The following DRD2 variants were observed in gnomAD, a reference collection of about 807,000 sequenced individuals.
The protein encoded by DRD2 is D(2) dopamine receptor.
A neutral mutation model predicts 38.0 loss-of-function variants in DRD2; 8 were observed. The observed-to-expected ratio is 0.21, with a 90% CI of 0.12 to 0.38. The LOEUF (loss-of-function observed/expected upper bound fraction) is 0.38. Ranked by LOEUF, DRD2 falls within the 10% of genes least tolerant of loss-of-function variation. DRD2 has a pLI of 1.00. For missense variants in DRD2, 403 were observed against 607.7 expected, an observed-to-expected ratio of 0.66 and a Z score of 3.54; for synonymous variants, 230 against 238.6, an observed-to-expected ratio of 0.96 and a Z score of 0.33.
chr11:113,449,130 A>G (rs1342351178), intron 1 of DRD2, among the ~76,000 whole-genome samples: 1 of 151,988 alleles, frequency 6.6e-6, no homozygotes, highest in African/African-American at 2.4e-5. Context: ...CTAGTCTGTG[A>G]CTTTTGTACC....
At chr11:113,464,438 C>T (rs1006602864) in intron 1 of DRD2, among the ~76,000 whole-genome samples, 29 of 152,322 alleles carry the variant, frequency 1.9e-4, no homozygotes, top group African/African-American at 7.0e-4. Context: ...TCACTGCCAT[C>T]CATACATTCC....
At chr11:113,464,849 C>G (rs991030106) in intron 1 of DRD2, among the ~76,000 whole-genome samples, 2 of 152,152 alleles carry the variant, frequency 1.3e-5, no homozygotes, top group Admixed American at 1.3e-4. Context: ...ACACTTTTAC[C>G]GATATCCTTA....
chr11:113,414,433 T>G lies in DRD2; in HGVS notation c.752A>C (p.Lys251Thr), dbSNP rs1445060538. 8.7e-6 allele frequency: 14 copies of G among 1,614,134 alleles called. No individual in the cohort carries two copies. The highest frequency in any genetic ancestry group is 1.1e-5 in the Non-Finnish European group (13 of 1,180,024). The change falls in exon 6 of 8, where the codon AAA (lysine) becomes ACA (threonine). Residue 251 changes from lysine (K) to threonine (T), a missense_variant. Transcript: ENST00000362072. ...KGNCTHPEDM[K>T]LCTVIMKSNG... The stretch of plus-strand genomic sequence containing the variant: ...AGACTTCATGATAACGGTGCAGAGT[T>G]TCATGTCCTCGGGGTGAGTACAGTT...
At chr11:113,474,180 C>T (rs1339785334) in intron 1 of DRD2, 1 of 152,354 alleles carries the variant, frequency 6.6e-6, no homozygotes, top group African/African-American at 2.4e-5. Context: ...ACTGCTGTGA[C>T]TTGTGTCCAT....
At chr11:113,445,612 G>C (rs755815559) in intron 1 of DRD2, among the ~76,000 whole-genome samples, 8 of 152,224 alleles carry the variant, frequency 5.3e-5, no homozygotes, top group Non-Finnish European at 1.0e-4. Context: ...CAAATATCAA[G>C]TATCTGTCCC....
rs6273 is a variant in DRD2, at chr11:113,409,801, C to T, written c.*926G>A. ...CAGAGGCAGTGGAAGGGAAGGGAAA[C>T]AGGAGAGAGGAAAGGCCAGAAGGAA... On this transcript the variant is annotated 3_prime_UTR_variant, in exon 8 of 8. Transcript: ENST00000362072. 4 of 153,170 alleles carry T rather than the reference C, an allele frequency of 2.6e-5. No homozygotes were observed. Among genetic ancestry groups the T allele is most frequent in the Non-Finnish European group, 5.8e-5 (4 of 68,518 alleles). The allele number at this position is 153,170 out of a possible 1,614,324, so 9.5% of individuals were successfully genotyped here.
chr11:113,445,707 C>T (rs191575647), intron 1 of DRD2, among the ~76,000 whole-genome samples: 1 of 152,336 alleles, frequency 6.6e-6, no homozygotes, highest in Non-Finnish European at 1.5e-5. Context: ...TCAATTGATC[C>T]ATTTTTCGTA....
In DRD2 at chr11:113,414,587, G is replaced by A. The variant is rs76614626; in HGVS notation, c.724-126C>T. 0.011 allele frequency: 10,007 copies of A among 936,770 alleles called. 676 individuals are homozygous for A. The African/African-American group carries it at 0.14, about 13-fold the overall frequency. The allele number at this position is 936,770 out of a possible 1,614,324, so 58.0% of individuals were successfully genotyped here. A position where few individuals can be genotyped will look rare whatever the true frequency, so the allele number is the denominator to read the frequency against. ...GGGCTCAGAGATCAGGAGGGTGGGGGCCAGAGGAGGCAGTTGGGGCAAGGG... is the reference window on the plus strand; with the variant it reads ...GGGCTCAGAGATCAGGAGGGTGGGGACCAGAGGAGGCAGTTGGGGCAAGGG... On this transcript the variant is annotated intron_variant, in intron 5 of 7. Coordinates refer to ENST00000362072, the MANE Select transcript of DRD2 (RefSeq NM_000795.4).
At chr11:113,443,769 G>T (rs1951114679) in intron 1 of DRD2, among the ~76,000 whole-genome samples, 1 of 152,026 alleles carries the variant, frequency 6.6e-6, no homozygotes, top group Non-Finnish European at 1.5e-5. Context: ...AAAACTAAGT[G>T]GAATGCATTG....
chr11:113,444,600 C>T (rs1311525134), intron 1 of DRD2, among the ~76,000 whole-genome samples: 1 of 152,236 alleles, frequency 6.6e-6, no homozygotes, highest in East Asian at 1.9e-4. Context: ...ATGGCTTACA[C>T]ATCCACAACC....
chr11:113,414,044 G>C (rs1332267422), intron 6 of DRD2: 8 of 376,432 alleles, frequency 2.1e-5, no homozygotes, highest in Non-Finnish European at 4.1e-5. Flanking sequence ...TTCGATCAAA[G>C]AGACTTACCT....
In DRD2 at chr11:113,424,908, T is replaced by C. The variant is rs1489321911; in HGVS notation, c.-31-226A>G. ...GCAAACACAATTTTTTAAAAATGCA[T>C]AATAAGATGAGCTTGAACAGAGCTG... On this transcript the variant is annotated intron_variant, in intron 1 of 7. Coordinates refer to ENST00000362072, the MANE Select transcript of DRD2 (RefSeq NM_000795.4). The C allele has an allele frequency of 5.4e-6, 3 of 555,700 alleles. No individual in the cohort carries two copies. In the African/African-American group the frequency reaches 5.7e-5, roughly 10 times the overall value. The allele number at this position is 555,700 out of a possible 1,614,324, so 34.4% of individuals were successfully genotyped here.
chr11:113,449,617 C>T (rs967739603), intron 1 of DRD2, among the ~76,000 whole-genome samples: 1 of 152,152 alleles, frequency 6.6e-6, no homozygotes, highest in African/African-American at 2.4e-5. Context: ...AAATGCTGGG[C>T]TAGCAGAGTG....
chr11:113,436,292 C>G (rs768920897), intron 1 of DRD2, among the ~76,000 whole-genome samples: 6 of 151,966 alleles, frequency 3.9e-5, no homozygotes, highest in Non-Finnish European at 7.4e-5. Flanking sequence ...GACAAATGAC[C>G]CAGTTTCTTC....
chr11:113,450,131 A>G (rs1373417339), intron 1 of DRD2: 3 of 154,484 alleles, frequency 1.9e-5, no homozygotes, highest in Non-Finnish European at 4.4e-5. Context: ...TTGCCATTTG[A>G]GAATGGAAAC....
At position 113,420,031 on chromosome 11, in the gene DRD2, C is replaced by T. The variant is rs374149248; in HGVS notation, c.286-1895G>A. ...TTTTGCGGGTGGAGGCAGGAGGGTA[C>T]GTAAAGGGCTTTCCTGGCATAAACA... On this transcript the variant is annotated intron_variant, in intron 2 of 7. Coordinates refer to ENST00000362072, the MANE Select transcript of DRD2 (RefSeq NM_000795.4). Among the ~76,000 whole-genome samples the T allele has an allele frequency of 9.2e-5, 14 of 152,270 alleles. No individual in the cohort carries two copies. The East Asian group carries it at 2.5e-3, about 27-fold the overall frequency.
At chr11:113,460,203 C>T (rs1010819112) in intron 1 of DRD2, among the ~76,000 whole-genome samples, 3 of 152,250 alleles carry the variant, frequency 2.0e-5, no homozygotes, top group Non-Finnish European at 2.9e-5. Flanking sequence ...TGGGGCTGCT[C>T]CAGGGTCGAA....
rs368806925 is a variant in DRD2, at chr11:113,453,700, C to T, written c.-32+21376G>A. 2.1e-4 allele frequency among the ~76,000 whole-genome samples: 32 copies of T among 152,330 alleles called. No homozygotes were observed. The East Asian group carries it at 5.6e-3, about 27-fold the overall frequency. ...CAAGTCCACAGATGATTAACACGTTCCATGACGGAGATGCCGGCACACGGA... is the reference window on the plus strand; with the variant it reads ...CAAGTCCACAGATGATTAACACGTTTCATGACGGAGATGCCGGCACACGGA... On this transcript the variant is annotated intron_variant, in intron 1 of 7. Coordinates refer to ENST00000362072, the MANE Select transcript of DRD2 (RefSeq NM_000795.4).
chr11:113,432,106 G>A (rs931201930), intron 1 of DRD2, among the ~76,000 whole-genome samples: 26 of 152,226 alleles, frequency 1.7e-4, no homozygotes, highest in Non-Finnish European at 1.5e-4. Context: ...AGGCTCAGCA[G>A]TTTGAGGCTG....
Sources: allele counts gnomAD v4.1 joint callset (sites outside exome capture counted in the v4.1 genomes callset), GRCh38; gene constraint gnomAD v4.1.1; transcripts MANE v1.5; gene names NCBI Gene and HGNC (gene_info 2026-07-23, HGNC 2026-07-21).